ARG2: variants seen among roughly 807,000 people sequenced by gnomAD.
ARG2 encodes the protein arginase-2, mitochondrial.
Under a neutral mutation model 39.4 loss-of-function variants are expected in ARG2, and 21 were observed. That is an observed-to-expected ratio of 0.53 (90% CI 0.38 to 0.77). The LOEUF (loss-of-function observed/expected upper bound fraction) is 0.77. ARG2 is among the 30% of genes least tolerant of loss of function. The pLI is 0.00. For missense variants in ARG2, 378 were observed against 426.2 expected (o/e 0.89, Z 1.00); for synonymous variants, 150 against 156.7 (o/e 0.96, Z 0.32).
chr14:67,621,876 C>T lies in ARG2; in HGVS notation c.184+910C>T, dbSNP rs985830025. 5.3e-5 allele frequency among the ~76,000 whole-genome samples: 8 copies of T among 151,878 alleles called. No individual in the cohort carries two copies. The East Asian group carries it at 1.4e-3, about 26-fold the overall frequency. On this transcript the variant is annotated intron_variant, in intron 2 of 7. Transcript: ENST00000261783. ...CTTTGGGAGGCCAAGGTGGGTGGATCACCTGAGGTCAGGAGTTCGAGACCA... is the reference window on the plus strand; with the variant it reads ...CTTTGGGAGGCCAAGGTGGGTGGATTACCTGAGGTCAGGAGTTCGAGACCA...
At chr14:67,645,472 G>A (rs1457717694) in intron 3 of ARG2, among the ~76,000 whole-genome samples, 171 bp from the exon 4 acceptor site, 1 of 152,158 alleles carries the variant, frequency 6.6e-6, no homozygotes, top group Non-Finnish European at 1.5e-5. Context: ...TATCACTCAA[G>A]ATTAATTTTT....
Position 67,632,862 on chromosome 14 carries a change from T to C in ARG2, c.185-9324T>C, listed in dbSNP as rs1009116874. Among the ~76,000 whole-genome samples, 27 of 122,362 alleles carry C rather than the reference T, an allele frequency of 2.2e-4. No homozygotes were observed. The South Asian group carries it at 2.6e-3, about 12-fold the overall frequency. 80.3% of individuals were successfully genotyped at this position (122,362 alleles called of 152,430 possible). A position where few individuals can be genotyped will look rare whatever the true frequency, so the allele number is the denominator to read the frequency against. ...TTGAGGCAGAGTCTCGCTCTATCGC[T>C]CAGGCTGGAGTGCAGTGGCGTGATC... is the stretch of plus-strand genomic sequence containing the variant. On this transcript the variant is annotated intron_variant, in intron 2 of 7. Coordinates refer to ENST00000261783, the MANE Select transcript of ARG2 (RefSeq NM_001172.4).
chr14:67,647,091 G>A (rs902058986), intron 6 of ARG2, 66 bp downstream of exon 6: 15 of 1,014,730 alleles, frequency 1.5e-5, no homozygotes, highest in South Asian at 1.4e-4. Flanking sequence ...CCTGTTTCTT[G>A]AGGACAGCAG....
chr14:67,628,744 G>A (rs2036891626), intron 2 of ARG2, among the ~76,000 whole-genome samples: 2 of 152,348 alleles, frequency 1.3e-5, no homozygotes, highest in Non-Finnish European at 2.9e-5. Context: ...TGTTGATGAA[G>A]ATGTGGAGAA....
intron 2 of ARG2, among the ~76,000 whole-genome samples, chr14:67,629,857 C>T (rs1002352770): frequency 6.6e-6 from 1 of 151,580 alleles, no homozygotes; most frequent in Non-Finnish European, 1.5e-5. Flanking sequence ...TGTGTGGATC[C>T]GATAGATACT....
In ARG2 at chr14:67,647,044, T is replaced by C. The variant is rs754272721; in HGVS notation, c.722+19T>C. ...TTGGCAAGTAAGTAACTATAACTGA[T>C]GTCAGGGCAAACCCCCAATGGGCAA... On this transcript the variant is annotated intron_variant, in intron 6 of 7. Transcript: ENST00000261783. 3.7e-5 allele frequency: 56 copies of C among 1,521,170 alleles called. No homozygotes were observed. The highest frequency in any genetic ancestry group is 1.3e-4 in the East Asian group (6 of 44,464). The allele number at this position is 1,521,170 out of a possible 1,614,324, so 94.2% of individuals were successfully genotyped here. A position where few individuals can be genotyped will look rare whatever the true frequency, so the allele number is the denominator to read the frequency against.
In ARG2 at chr14:67,648,187, T is replaced by C. The variant is rs374223197; in HGVS notation, c.859+4T>C. On this transcript the variant is annotated splice_donor_region_variant and intron_variant, in intron 7 of 7. Transcript: ENST00000261783. The stretch of plus-strand genomic sequence containing the variant: ...GCTGAGGAAATACACAATACAGGTA[T>C]GTAGCAACCAGGTCTGCAGCCTGTT... 73 of 1,611,414 alleles carry C rather than the reference T, an allele frequency of 4.5e-5. No homozygotes were observed. The highest frequency in any genetic ancestry group is 6.1e-5 in the Non-Finnish European group (72 of 1,178,390).
At chr14:67,645,143 CGTTACCTATAGACT>C (rs1296300901) in intron 3 of ARG2, among the ~76,000 whole-genome samples, 2 of 151,652 alleles carry the variant, frequency 1.3e-5, no homozygotes, top group Non-Finnish European at 2.9e-5. Flanking sequence ...TTTGGTGAGT[CGTTACCTATAGACT>C]GTACCATTTA....
At chr14:67,638,629 C>T (rs546520967) in intron 2 of ARG2, among the ~76,000 whole-genome samples, 3 of 152,176 alleles carry the variant, frequency 2.0e-5, no homozygotes, top group African/African-American at 4.8e-5. Flanking sequence ...GAGTTGAGTT[C>T]GTTCTTCCTG....
chr14:67,626,144 C>T (rs2036864052), intron 2 of ARG2, among the ~76,000 whole-genome samples: 1 of 152,018 alleles, frequency 6.6e-6, no homozygotes. Context: ...GTCCCAGCTA[C>T]TCAGGAGGCT....
At chr14:67,629,194 GGT>G (rs2036895303) in intron 2 of ARG2, among the ~76,000 whole-genome samples, 1 of 152,122 alleles carries the variant, frequency 6.6e-6, no homozygotes, top group South Asian at 2.1e-4. Context: ...AAATTAGCCA[GGT>G]GTGGTGGTGC....
At chr14:67,625,064 CCATT>C (rs2036849160) in intron 2 of ARG2, among the ~76,000 whole-genome samples, 2 of 152,004 alleles carry the variant, frequency 1.3e-5, no homozygotes, top group Admixed American at 1.3e-4. Context: ...CTAAAATTGT[CCATT>C]CACAAGGCTG....
intron 2 of ARG2, among the ~76,000 whole-genome samples, chr14:67,636,734 A>G (rs2036975665): frequency 6.6e-6 from 1 of 152,170 alleles, no homozygotes. Context: ...GTATTTTATT[A>G]CCAGCACTCA....
chr14:67,622,565 CTTCTT>C (rs1287692791), intron 2 of ARG2, among the ~76,000 whole-genome samples: 1 of 152,192 alleles, frequency 6.6e-6, no homozygotes, highest in East Asian at 1.9e-4. Flanking sequence ...AAGATTTAGT[CTTCTT>C]TTAATGTGTG....
At chr14:67,646,806 A>C in intron 5 of ARG2, 68 bp downstream of exon 5, 1 of 1,463,428 alleles carries the variant, frequency 6.8e-7, no homozygotes, top group Non-Finnish European at 9.6e-7. Context: ...TGAAAGGCTG[A>C]TGCTTAACTT....
chr14:67,648,451 C>T (rs1483398249), intron 7 of ARG2: 1 of 276,212 alleles, frequency 3.6e-6, no homozygotes, highest in African/African-American at 2.2e-5. Flanking sequence ...AATAAATTGT[C>T]AAACTGATGC....
chr14:67,645,551 G>A, intron 3 of ARG2, 92 bp from the exon 4 acceptor site: 1 of 1,443,234 alleles, frequency 6.9e-7, no homozygotes, highest in East Asian at 2.3e-5. Flanking sequence ...TTTGCACTGT[G>A]GAGAGAGTAT....
intron 2 of ARG2, among the ~76,000 whole-genome samples, chr14:67,628,595 T>C (rs1192824180): frequency 1.3e-5 from 2 of 152,190 alleles, no homozygotes; most frequent in African/African-American, 2.4e-5. Context: ...TTATCAAAAG[T>C]TTTTTGATAC....
Position 67,642,194 on chromosome 14 carries a change from C to T in ARG2, c.193C>T (p.Leu65=). Reference sequence around the variant, plus strand: ...CCCTCATTTGCTTCCAGGCTGCCACCTAAAAGACTTTGGAGATTTGAGTTT... The same window carrying T: ...CCCTCATTTGCTTCCAGGCTGCCACTTAAAAGACTTTGGAGATTTGAGTTT... ...MKRLSSLGCH[L]KDFGDLSFTP... The change falls in exon 3 of 8, where the codon CTA becomes TTA. Residue 65 remains leucine (L), a synonymous_variant. Transcript: ENST00000261783. 1 of 1,613,814 alleles carries T rather than the reference C, an allele frequency of 6.2e-7. No homozygotes were observed. Among genetic ancestry groups the T allele is most frequent in the East Asian group, 2.2e-5 (1 of 44,870 alleles).
Sources: allele counts gnomAD v4.1 joint callset (sites outside exome capture counted in the v4.1 genomes callset), GRCh38; gene constraint gnomAD v4.1.1; transcripts MANE v1.5; gene names NCBI Gene and HGNC (gene_info 2026-07-23, HGNC 2026-07-21).